Variants in OAS2 observed in about 807,000 individuals in gnomAD.
The protein encoded by OAS2 is 2'-5'-oligoadenylate synthase 2.
A neutral mutation model predicts 71.3 loss-of-function variants in OAS2; 67 were observed. The ratio of observed to expected loss-of-function variants is 0.94; its 90% CI spans 0.77 to 1.15. The LOEUF is 1.15. Among genes scored for constraint, OAS2 ranks in the 50% most tolerant of loss-of-function variants. OAS2 has a pLI of 0.00. For missense variants in OAS2, 789 were observed against 822.5 expected, an observed-to-expected ratio of 0.96 and a Z score of 0.50; for synonymous variants, 327 against 321.8, an observed-to-expected ratio of 1.02 and a Z score of -0.17.
chr12:112,998,526 G>T, intron 5 of OAS2, 116 bp downstream of exon 5: 1 of 1,166,432 alleles, frequency 8.6e-7, no homozygotes, highest in Non-Finnish European at 1.2e-6. Context: ...CTGTTACAAA[G>T]TTCCACAACA....
intron 6 of OAS2, 150 bp downstream of exon 6, chr12:113,003,252 T>C (rs963599395): frequency 3.9e-6 from 3 of 777,052 alleles, no homozygotes; most frequent in Non-Finnish European, 6.4e-6. Context: ...ACTAGGACAC[T>C]AGTTTTCAGG....
chr12:113,008,303 G>T (rs1326942628), intron 9 of OAS2, among the ~76,000 whole-genome samples: 1 of 152,190 alleles, frequency 6.6e-6, no homozygotes, highest in African/African-American at 2.4e-5. Context: ...TTCAAGAATA[G>T]TAAGAAATCA....
Position 113,007,802 on chromosome 12 carries a change from A to C in OAS2, c.1754A>C (p.Asp585Ala), listed in dbSNP as rs750663178. The change falls in exon 9 of 10, where the codon GAT becomes GCT. Residue 585 changes from aspartate (D) to alanine (A), a missense_variant. Coordinates refer to ENST00000392583, the MANE Select transcript of OAS2 (RefSeq NM_002535.3). ...TGGGAGCAGGGGAGTGGAGTGCCGG[A>C]TTTTGACACTGCAGAAGGTTTCCGG... Reference protein sequence around the residue: ...YAWEQGSGVPDFDTAEGFRTV... With the variant: ...YAWEQGSGVPAFDTAEGFRTV... 1 of 1,614,166 alleles carries C rather than the reference A, an allele frequency of 6.2e-7. No individual in the cohort carries two copies. Among genetic ancestry groups the C allele is most frequent in the Non-Finnish European group, 8.5e-7 (1 of 1,180,012 alleles).
At chr12:113,007,406 A>G (rs537291093) in intron 8 of OAS2, among the ~76,000 whole-genome samples, 7 of 152,272 alleles carry the variant, frequency 4.6e-5, no homozygotes, top group African/African-American at 1.7e-4. Context: ...CATTGTGGGG[A>G]AGATTAGGAA....
At chr12:113,003,928 G>A (rs1260438009) in intron 6 of OAS2, among the ~76,000 whole-genome samples, 2 of 152,250 alleles carry the variant, frequency 1.3e-5, no homozygotes, top group Non-Finnish European at 2.9e-5. Context: ...TCACTGGAGT[G>A]AAAACAGGAC....
chr12:113,008,235 G>C (rs771337515), intron 9 of OAS2, among the ~76,000 whole-genome samples: 1 of 152,120 alleles, frequency 6.6e-6, no homozygotes, highest in Non-Finnish European at 1.5e-5. Context: ...TATCATTCAC[G>C]GGCCGATTTA....
chr12:112,980,325 T>C (rs1334441640), intron 1 of OAS2, among the ~76,000 whole-genome samples: 1 of 152,246 alleles, frequency 6.6e-6, no homozygotes. Flanking sequence ...CACCCCATTG[T>C]GCTATCAAAC....
At chr12:112,998,570 T>C (rs1400125872) in intron 5 of OAS2, among the ~76,000 whole-genome samples, 160 bp downstream of exon 5, 4 of 152,248 alleles carry the variant, frequency 2.6e-5, no homozygotes, top group Admixed American at 2.0e-4. Context: ...TTTATTCTCT[T>C]ACCATTCTGG....
chr12:113,003,270 T>G (rs551044967), intron 6 of OAS2, among the ~76,000 whole-genome samples, 168 bp downstream of exon 6: 1 of 152,260 alleles, frequency 6.6e-6, no homozygotes, highest in East Asian at 1.9e-4. Context: ...AGGGGGGTTG[T>G]GGATAGACTG....
chr12:112,995,035 G>T (rs1231799120), intron 2 of OAS2, among the ~76,000 whole-genome samples: 1 of 152,036 alleles, frequency 6.6e-6, no homozygotes, highest in African/African-American at 2.4e-5. Context: ...TCCATCTCTT[G>T]TCCCTCCATT....
intron 3 of OAS2, 67 bp from the exon 4 acceptor site, chr12:112,997,453 T>C: frequency 7.2e-7 from 1 of 1,386,502 alleles, no homozygotes. Context: ...GGTTTCTTGA[T>C]TTCAGATCCC....
rs756510606 is a variant in OAS2 at position 112,987,033 on chromosome 12, G to T, written c.178-5G>T. ...GTCTCATATCTGCTTCTTTGTCACT[G>T]GCAGGGTGGCTCCTATGGACGGAAA... On this transcript the variant is annotated splice_polypyrimidine_tract_variant and splice_region_variant and intron_variant, in intron 1 of 9. Coordinates refer to ENST00000392583, the MANE Select transcript of OAS2 (RefSeq NM_002535.3). 6.2e-7 allele frequency: 1 copy of T among 1,602,360 alleles called. No individual in the cohort carries two copies. The highest frequency in any genetic ancestry group is 8.5e-7 in the Non-Finnish European group (1 of 1,171,696).
Position 113,010,416 on chromosome 12 carries a change from A to G in OAS2, c.*1161A>G, listed in dbSNP as rs1239905828. 4 of 1,613,990 alleles carry G rather than the reference A, an allele frequency of 2.5e-6. No homozygotes were observed. Among genetic ancestry groups the G allele is most frequent in the South Asian group, 2.2e-5 (2 of 91,064 alleles). On this transcript the variant is annotated 3_prime_UTR_variant, in exon 10 of 10. Transcript: ENST00000392583. ...AAGTTGTGGAGCTAGGATCCATCCT[A>G]TTGTCAATGAGATGTTCTCATCCAG...
At chr12:112,988,323 A>G (rs1376065667) in intron 2 of OAS2, 6 of 691,286 alleles carry the variant, frequency 8.7e-6, no homozygotes, top group Non-Finnish European at 1.1e-5. Flanking sequence ...GAGTAGGTTC[A>G]GAGAGTCTTG....
rs1456344855 is a variant in OAS2, at chr12:113,009,994, A to AG, written c.*740dup. The AG allele has an allele frequency of 5.1e-6, 5 of 982,248 alleles. No homozygotes were observed. Among genetic ancestry groups the AG allele is most frequent in the Non-Finnish European group, 6.1e-6 (5 of 825,760 alleles). The allele number at this position is 982,248 out of a possible 1,614,324, so 60.8% of individuals were successfully genotyped here. A position where few individuals can be genotyped will look rare whatever the true frequency, so the allele number is the denominator to read the frequency against. On this transcript the variant is annotated 3_prime_UTR_variant, in exon 10 of 10. Transcript: ENST00000392583. ...TACTTACTCACATTTGGGGCTAGAC[A>AG]GTTCTTTGTTTGGAGGCTCTCTTGT... is the stretch of plus-strand genomic sequence containing the variant.
At chr12:112,995,147 T>C (rs2044222758) in intron 2 of OAS2, 149 bp from the exon 3 acceptor site, 4 of 641,038 alleles carry the variant, frequency 6.2e-6, no homozygotes, top group Non-Finnish European at 1.1e-5. Flanking sequence ...CCTTCCCTAC[T>C]ATGTTTTATG....
Position 113,003,102 on chromosome 12 carries a change from G to T in OAS2, c.1179G>T (p.Arg393=), listed in dbSNP as rs1353200956. 3 of 1,614,020 alleles carry T rather than the reference G, an allele frequency of 1.9e-6. No homozygotes were observed. The highest frequency in any genetic ancestry group is 2.5e-6 in the Non-Finnish European group (3 of 1,179,916). ...CAACAGCCAAGATCCAGATTGTCCG[G>T]GTGAGCACTGGCCTTTCTCATGTCT... ...RQSTAKIQIV[R]GGSTAKGTAL... Residue 393 remains arginine (R), a splice_region_variant and synonymous_variant, in exon 6 of 10, where the codon CGG becomes CGT. Transcript: ENST00000392583.
chr12:112,996,980 T>C (rs929724767), intron 3 of OAS2, among the ~76,000 whole-genome samples: 2 of 152,120 alleles, frequency 1.3e-5, no homozygotes, highest in Non-Finnish European at 2.9e-5. Flanking sequence ...TCATCTGAGG[T>C]CTACCTGCCA....
intron 4 of OAS2, 26 bp from the exon 5 acceptor site, chr12:112,998,239 CT>C: frequency 3.7e-6 from 6 of 1,603,060 alleles, no homozygotes; most frequent in South Asian, 2.2e-5. Context: ...GCTCAACTGA[CT>C]TTTTTTAATC....
Sources: allele counts gnomAD v4.1 joint callset (sites outside exome capture counted in the v4.1 genomes callset), GRCh38; gene constraint gnomAD v4.1.1; transcripts MANE v1.5; gene names NCBI Gene and HGNC (gene_info 2026-07-23, HGNC 2026-07-21).